Variants in PFKM observed in about 807,000 individuals in gnomAD.
PFKM encodes phosphofructokinase, muscle, also known as ATP-dependent 6-phosphofructokinase, muscle type.
PFKM carries 58 observed loss-of-function variants against 95.5 expected under a neutral mutation model. That is an observed-to-expected ratio of 0.61 (90% confidence interval 0.49 to 0.76). PFKM has a LOEUF of 0.76. Ranked by LOEUF, PFKM falls within the 30% of genes least tolerant of loss-of-function variation. PFKM has a pLI of 0.00. For missense variants in PFKM, 678 were observed against 1,005.4 expected (o/e 0.67, Z 4.40); for synonymous variants, 336 against 357.2 (o/e 0.94, Z 0.67).
intron 7 of PFKM, 49 bp downstream of exon 7, chr12:48,134,325 C>G: frequency 1.3e-6 from 2 of 1,504,756 alleles, no homozygotes; most frequent in Non-Finnish European, 1.9e-6. Flanking sequence ...AGCGATAGCC[C>G]TTTCCTTTTC....
chr12:48,112,773 A>C (rs1355600221), intron 3 of PFKM, among the ~76,000 whole-genome samples: 1 of 152,180 alleles, frequency 6.6e-6, no homozygotes, highest in East Asian at 1.9e-4. Context: ...TGGATAGGTA[A>C]AATGGGGGAA....
At chr12:48,109,534 T>C (rs1036838505) in intron 3 of PFKM, among the ~76,000 whole-genome samples, 6 of 152,182 alleles carry the variant, frequency 3.9e-5, no homozygotes, top group Admixed American at 3.9e-4. Context: ...GCCCTCATCT[T>C]TCCTGCTTTT....
chr12:48,142,151 T>C lies in PFKM; in HGVS notation c.1653+85T>C, dbSNP rs187585417. Reference sequence around the variant, plus strand: ...TGTGGTCCCAAACAGTGAGCTACTCTTTATATCAAGCAAATGGGAATGTTT... The same window carrying C: ...TGTGGTCCCAAACAGTGAGCTACTCCTTATATCAAGCAAATGGGAATGTTT... On this transcript the variant is annotated intron_variant, in intron 17 of 22. Coordinates refer to ENST00000359794, the MANE Select transcript of PFKM (RefSeq NM_000289.6). 32 of 1,280,866 alleles carry C rather than the reference T, an allele frequency of 2.5e-5. No homozygotes were observed. The Admixed American group carries it at 5.2e-4, about 21-fold the overall frequency. 79.3% of individuals were successfully genotyped at this position (1,280,866 alleles called of 1,614,324 possible).
rs111456218 is a variant in PFKM, at chr12:48,112,942, C to T, written c.205+4748C>T. On this transcript the variant is annotated intron_variant, in intron 3 of 24. Transcript: ENST00000340802. ...GGAGGGTAAGGGGTGCATGATCAGT[C>T]GCCAAGGAGGGAGTAGAGGCATCCT... Among the ~76,000 whole-genome samples, 9 of 151,998 alleles carry T rather than the reference C, an allele frequency of 5.9e-5. No individual in the cohort carries two copies. The Middle Eastern group carries it at 0.014, about 230-fold the overall frequency.
chr12:48,127,586 G>A (rs558688469), intron 2 of PFKM, among the ~76,000 whole-genome samples: 25 of 152,220 alleles, frequency 1.6e-4, no homozygotes, highest in African/African-American at 5.5e-4. Context: ...CCAGTATTTT[G>A]TTTTGTCCCA....
chr12:48,118,936 C>G (rs560565401), upstream of PFKM, among the ~76,000 whole-genome samples: 1 of 152,232 alleles, frequency 6.6e-6, no homozygotes, highest in East Asian at 1.9e-4. Context: ...AGCACACAGA[C>G]TCCCAAGAAA....
In PFKM at chr12:48,145,378, A is replaced by C; in HGVS notation, c.2198+63A>C. The C allele has an allele frequency of 7.0e-7, 1 of 1,420,670 alleles. No individual in the cohort carries two copies. The highest frequency in any genetic ancestry group is 9.9e-7 in the Non-Finnish European group (1 of 1,006,882). The allele number at this position is 1,420,670 out of a possible 1,614,324, so 88.0% of individuals were successfully genotyped here. ...GGTAGTTTCAAGCTCTACTGTCCTC[A>C]ACCTGTTCACTGTCTTTAATTCTTT... On this transcript the variant is annotated intron_variant, in intron 22 of 22. Transcript: ENST00000359794. The surrounding 1 kb of genome is among the most constrained non-coding windows in gnomAD (Gnocchi z 4.3).
chr12:48,120,980 G>C (rs190578868), intron 1 of PFKM, among the ~76,000 whole-genome samples: 4 of 152,176 alleles, frequency 2.6e-5, no homozygotes, highest in African/African-American at 9.7e-5. Flanking sequence ...GTGAAAACCC[G>C]TCTCAATTAA....
At chr12:48,112,104 C>T (rs143167194) in intron 3 of PFKM, among the ~76,000 whole-genome samples, 55 of 152,226 alleles carry the variant, frequency 3.6e-4, no homozygotes, top group South Asian at 1.2e-3. Flanking sequence ...TCCGACTGCA[C>T]GGCCCTGCAC....
intron 1 of PFKM, among the ~76,000 whole-genome samples, chr12:48,107,060 C>A (rs1342881050): frequency 3.9e-5 from 6 of 152,156 alleles, no homozygotes; most frequent in Non-Finnish European, 7.4e-5. Context: ...AGAAATGCCC[C>A]CTTAATAGGT....
At chr12:48,108,009 A>C in intron 2 of PFKM, 1 of 1,557,186 alleles carries the variant, frequency 6.4e-7, no homozygotes, top group Non-Finnish European at 8.7e-7. Flanking sequence ...AATGAAAGGG[A>C]GTAAGGAACA....
intron 1 of PFKM, among the ~76,000 whole-genome samples, chr12:48,122,224 C>A (rs1006500199): frequency 6.6e-6 from 1 of 152,138 alleles, no homozygotes; most frequent in Non-Finnish European, 1.5e-5. Flanking sequence ...CCTCAGACTC[C>A]AGTTTCAACT....
At position 48,141,981 on chromosome 12, in the gene PFKM, T is replaced by C; in HGVS notation, c.1568T>C (p.Val523Ala). The change falls in exon 17 of 23, where the codon GTG (valine) becomes GCG (alanine). Residue 523 changes from valine (V) to alanine (A), a missense_variant. Transcript: ENST00000359794. ...TTTGATGAGCTCTGCATCCCATTTG[T>C]GGTCATTCCTGCTACAGTCTCCAAC... ...KQFDELCIPF[V>A]VIPATVSNNV... 6.2e-7 allele frequency: 1 copy of C among 1,614,098 alleles called. No individual in the cohort carries two copies.
At position 48,122,814 on chromosome 12, in the gene PFKM, A is replaced by T. The variant is rs762375831; in HGVS notation, c.40A>T (p.Ile14Phe). Reference protein sequence around the residue: ...EEHHAAKTLGIGKAIAVLTSG... With the variant: ...EEHHAAKTLGFGKAIAVLTSG... ...GCACCATGCAGCCAAAACCCTGGGG[A>T]TTGGCAAAGCCATTGCTGTCTTAAC... is the stretch of plus-strand genomic sequence containing the variant. Residue 14 changes from isoleucine to phenylalanine, a missense_variant, in exon 2 of 23, where the codon ATT becomes TTT. By Grantham distance (21) the Ile-to-Phe change is conservative. Coordinates refer to ENST00000359794, the MANE Select transcript of PFKM (RefSeq NM_000289.6). 1 of 1,614,118 alleles carries T rather than the reference A, an allele frequency of 6.2e-7. No homozygotes were observed. The highest frequency in any genetic ancestry group is 2.2e-5 in the East Asian group (1 of 44,876).
At chr12:48,144,256 G>A in intron 20 of PFKM, 99 bp downstream of exon 20, 1 of 807,154 alleles carries the variant, frequency 1.2e-6, no homozygotes, top group Non-Finnish European at 2.2e-6. Flanking sequence ...GCCTTTTCCA[G>A]TCTTCTGGAG....
chr12:48,142,648 C>T, intron 17 of PFKM, 134 bp from the exon 18 acceptor site: 6 of 867,142 alleles, frequency 6.9e-6, no homozygotes, highest in South Asian at 1.4e-5. Flanking sequence ...AATGCAAGAA[C>T]TTGATGAGCT....
chr12:48,105,705 G>A, upstream of PFKM: 1 of 482,034 alleles, frequency 2.1e-6, no homozygotes, highest in Non-Finnish European at 3.8e-6. Context: ...AATCGCAACC[G>A]GCCTTTCCCC....
chr12:48,115,402 G>A (rs1424308393), upstream of PFKM, among the ~76,000 whole-genome samples: 1 of 152,208 alleles, frequency 6.6e-6, no homozygotes, highest in Non-Finnish European at 1.5e-5. Flanking sequence ...AGGATAGGCG[G>A]TGGAGTTAAG....
At position 48,141,031 on chromosome 12, in the gene PFKM, A is replaced by AG. The variant is rs34700912; in HGVS notation, c.1341+161dup. 0.48 allele frequency among the ~76,000 whole-genome samples: 73,063 copies of AG among 152,016 alleles called. 18,385 individuals are homozygous for AG. The highest frequency in any genetic ancestry group is 0.63 in the African/African-American group (26,063 of 41,424). ...TATTTAATACTAGGGCAGTAGGAAC[A>AG]GCAGGAATTACTGCAGTGAACCATT... On this transcript the variant is annotated intron_variant, in intron 14 of 22. Coordinates refer to ENST00000359794, the MANE Select transcript of PFKM (RefSeq NM_000289.6).
Sources: allele counts gnomAD v4.1 joint callset (sites outside exome capture counted in the v4.1 genomes callset), GRCh38; gene constraint gnomAD v4.1.1; non-coding constraint Gnocchi (gnomAD v3.1); transcripts MANE v1.5; gene names NCBI Gene and HGNC (gene_info 2026-07-23, HGNC 2026-07-21).